The following ATXN7L2 variants were observed in gnomAD, a reference collection of about 807,000 sequenced individuals.
ATXN7L2 encodes ataxin-7-like protein 2.
Under a neutral mutation model 59.6 loss-of-function variants are expected in ATXN7L2, and 17 were observed. The ratio of observed to expected loss-of-function variants is 0.29; its 90% CI spans 0.20 to 0.43. The LOEUF (loss-of-function observed/expected upper bound fraction) is 0.43. ATXN7L2 is among the 20% of genes least tolerant of loss of function. ATXN7L2 has a pLI of 1.00. For missense variants in ATXN7L2, 858 were observed against 1,008.9 expected, an observed-to-expected ratio of 0.85 and a Z score of 2.03; for synonymous variants, 378 against 392.5, an observed-to-expected ratio of 0.96 and a Z score of 0.44.
At chr1:109,484,132 C>A (rs1322425604) in intron 1 of ATXN7L2, 52 bp downstream of exon 1, 1 of 1,368,396 alleles carries the variant, frequency 7.3e-7, no homozygotes, top group Non-Finnish European at 9.5e-7. Context: ...CTCCCCTCCC[C>A]CCTTCCGGGC....
Position 109,489,948 on chromosome 1 carries a change from G to C in ATXN7L2, c.1152G>C (p.Glu384Asp). ...CTTCCAGGTCCCGGGCCTCCTCCGA[G>C]AGTGAATTGGATGATGAAGGCCCCT... ...CALPRSRASSESELDDEGPCG... is the reference protein window; with the variant it reads ...CALPRSRASSDSELDDEGPCG... Residue 384 changes from glutamate to aspartate, a missense_variant, in exon 8 of 11, where the codon GAG becomes GAC. By Grantham distance (45) the Glu-to-Asp change is conservative. Transcript: ENST00000683729. 6.2e-7 allele frequency: 1 copy of C among 1,613,702 alleles called. No homozygotes were observed. The highest frequency in any genetic ancestry group is 2.2e-5 in the East Asian group (1 of 44,856).
Position 109,491,677 on chromosome 1 carries a change from G to A in ATXN7L2, c.2210G>A (p.Gly737Asp), listed in dbSNP as rs571511543. Reference protein sequence around the residue: ...VACSVRRKKPGPALAFEEKCS... With the variant: ...VACSVRRKKPDPALAFEEKCS... Reference sequence around the variant, plus strand: ...TGCTCTGTGCGCCGCAAGAAGCCAGGCCCGGCCCTGGCCTTTGAGGAGAAG... The same window carrying A: ...TGCTCTGTGCGCCGCAAGAAGCCAGACCCGGCCCTGGCCTTTGAGGAGAAG... The change falls in exon 10 of 11, where the codon GGC becomes GAC. Residue 737 changes from glycine (G) to aspartate (D), a missense_variant. Transcript: ENST00000683729. This position sits in a 1 kb window ranked among gnomAD's most constrained non-coding sequence, Gnocchi z 4.1. 3.7e-6 allele frequency: 6 copies of A among 1,609,370 alleles called. No homozygotes were observed. The East Asian group carries it at 1.1e-4, about 30-fold the overall frequency.
chr1:109,489,841 C>G (rs1656892401), intron 7 of ATXN7L2, 89 bp from the exon 8 acceptor site: 2 of 1,435,998 alleles, frequency 1.4e-6, no homozygotes, highest in Non-Finnish European at 1.9e-6. Context: ...CCCTGGTGCC[C>G]TGCTCTTTGA....
rs1657195404 is a variant in ATXN7L2 at position 109,492,689 on chromosome 1, T to C, written c.*89T>C. 7.6e-6 allele frequency: 11 copies of C among 1,455,916 alleles called. No individual in the cohort carries two copies. Among genetic ancestry groups the C allele is most frequent in the Non-Finnish European group, 8.3e-6 (9 of 1,079,604 alleles). The allele number at this position is 1,455,916 out of a possible 1,614,324, so 90.2% of individuals were successfully genotyped here. A position where few individuals can be genotyped will look rare whatever the true frequency, so the allele number is the denominator to read the frequency against. ...CAGGCTGCTGCCGCTTTTTATAACTTTATATTATTTTTTTTTAAGAAAAAA... is the reference window on the plus strand; with the variant it reads ...CAGGCTGCTGCCGCTTTTTATAACTCTATATTATTTTTTTTTAAGAAAAAA... On this transcript the variant is annotated 3_prime_UTR_variant, in exon 11 of 11. Transcript: ENST00000683729.
Position 109,486,979 on chromosome 1 carries a change from G to T in ATXN7L2, c.299-28G>T. On this transcript the variant is annotated intron_variant, in intron 3 of 10. Transcript: ENST00000683729. This position sits in a 1 kb window ranked among gnomAD's most constrained non-coding sequence, Gnocchi z 4.3. ...AGGAAGTGGTGATACCACTCACCTT[G>T]ATTATTCTTTCCACCTCCTGGTGAC... 6.5e-7 allele frequency: 1 copy of T among 1,548,722 alleles called. No individual in the cohort carries two copies.
chr1:109,492,507 T>G, intron 10 of ATXN7L2, 79 bp from the exon 11 acceptor site: 1 of 1,576,114 alleles, frequency 6.3e-7, no homozygotes, highest in Non-Finnish European at 8.7e-7. Context: ...TTAGCCTCTG[T>G]AGTGCACACA....
rs532755750 is a variant in ATXN7L2, at chr1:109,491,862, G to A, written c.2250+145G>A. 27 of 1,235,034 alleles carry A rather than the reference G, an allele frequency of 2.2e-5. No individual in the cohort carries two copies. In the South Asian group the frequency reaches 4.3e-4, roughly 20 times the overall value. 76.5% of individuals were successfully genotyped at this position (1,235,034 alleles called of 1,614,324 possible). ...TCCTGGACTGTTTTCTTTAGGAAGA[G>A]GTAGGTCAGTTCTTAGCAAAGTGAC... On this transcript the variant is annotated intron_variant, in intron 10 of 10. Transcript: ENST00000683729. This position sits in a 1 kb window ranked among gnomAD's most constrained non-coding sequence, Gnocchi z 4.1.
chr1:109,486,699 G>A lies in ATXN7L2; in HGVS notation c.298+89G>A, dbSNP rs936221147. The A allele has an allele frequency of 9.0e-7, 1 of 1,108,376 alleles. No individual in the cohort carries two copies. Among genetic ancestry groups the A allele is most frequent in the African/African-American group, 1.5e-5 (1 of 64,614 alleles). 68.7% of individuals were successfully genotyped at this position (1,108,376 alleles called of 1,614,324 possible). A position where few individuals can be genotyped will look rare whatever the true frequency, so the allele number is the denominator to read the frequency against. On this transcript the variant is annotated intron_variant, in intron 3 of 10. Transcript: ENST00000683729. This position sits in a 1 kb window ranked among gnomAD's most constrained non-coding sequence, Gnocchi z 4.3. Reference sequence around the variant, plus strand: ...CAGGGTCAGTTGGGAGGTCTCGTAGGGTAATGGAGGGTGGTGTTGAGGATA... The same window carrying A: ...CAGGGTCAGTTGGGAGGTCTCGTAGAGTAATGGAGGGTGGTGTTGAGGATA...
intron 10 of ATXN7L2, chr1:109,492,095 G>A (rs1657128062): frequency 4.7e-6 from 5 of 1,068,224 alleles, no homozygotes; most frequent in Non-Finnish European, 5.7e-6. Context: ...CTAACATGCC[G>A]AGCAGCAAGG....
chr1:109,491,469 C>A lies in ATXN7L2; in HGVS notation c.2002C>A (p.Leu668Ile), dbSNP rs761349734. The change falls in exon 10 of 11, where the codon CTC becomes ATC. Residue 668 changes from leucine to isoleucine, a missense_variant. Around this residue, in one of 3 missense-constraint regions of ATXN7L2, gnomAD observed 734 missense variants for 862.3 expected, o/e 0.85. Coordinates refer to ENST00000683729, the MANE Select transcript of ATXN7L2 (RefSeq NM_001350175.2). This position sits in a 1 kb window ranked among gnomAD's most constrained non-coding sequence, Gnocchi z 4.1. ...PLDCRGSPHQ[L>I]PTPVKASQLE... Reference sequence around the variant, plus strand: ...GGACTGTCGTGGCTCCCCTCATCAGCTCCCCACACCAGTCAAGGCTTCTCA... The same window carrying A: ...GGACTGTCGTGGCTCCCCTCATCAGATCCCCACACCAGTCAAGGCTTCTCA... 6.2e-7 allele frequency: 1 copy of A among 1,613,970 alleles called. No individual in the cohort carries two copies. Among genetic ancestry groups the A allele is most frequent in the Non-Finnish European group, 8.5e-7 (1 of 1,180,048 alleles).
intron 1 of ATXN7L2, among the ~76,000 whole-genome samples, chr1:109,484,307 C>G (rs962467585): frequency 6.6e-6 from 1 of 152,124 alleles, no homozygotes; most frequent in Non-Finnish European, 1.5e-5. Context: ...ACCTCTGCCT[C>G]TGCCAGTCGC....
Position 109,491,577 on chromosome 1 carries a change from C to T in ATXN7L2, c.2110C>T (p.Arg704Trp), listed in dbSNP as rs191002910. 7 of 1,613,934 alleles carry T rather than the reference C, an allele frequency of 4.3e-6. No individual in the cohort carries two copies. The highest frequency in any genetic ancestry group is 2.7e-5 in the African/African-American group (2 of 75,072). The change falls in exon 10 of 11, where the codon CGG becomes TGG. Residue 704 changes from arginine to tryptophan, a missense_variant. By Grantham distance (101) the Arg-to-Trp change is moderately radical. Around this residue, in one of 3 missense-constraint regions of ATXN7L2, gnomAD observed 734 missense variants for 862.3 expected, o/e 0.85. Coordinates refer to ENST00000683729, the MANE Select transcript of ATXN7L2 (RefSeq NM_001350175.2). This position sits in a 1 kb window ranked among gnomAD's most constrained non-coding sequence, Gnocchi z 4.1. ...CTCTGAGGAGGAGGTGGCCAAGAAG[C>T]GGAAAAACCTGGCCACTTATTGCCG... is the stretch of plus-strand genomic sequence containing the variant. ...CLSEEEVAKKRKNLATYCRPV... is the reference protein window; with the variant it reads ...CLSEEEVAKKWKNLATYCRPV...
rs766770957 is a variant in ATXN7L2 at position 109,488,405 on chromosome 1, G to A, written c.819G>A (p.Arg273=). The part of the protein sequence containing the change: ...KMARKECDLN[R]QCGVINPETK... ...CAGGGAAGGAGTGCGACCTCAACAG[G>A]CAGTGTGGGGTAATAAATCCAGAGA... The change falls in exon 6 of 11, where the codon AGG becomes AGA. Residue 273 remains arginine (R), a synonymous_variant. Transcript: ENST00000683729. The surrounding 1 kb of genome is among the most constrained non-coding windows in gnomAD (Gnocchi z 5.0). 2 of 1,602,460 alleles carry A rather than the reference G, an allele frequency of 1.2e-6. No homozygotes were observed. The highest frequency in any genetic ancestry group is 1.7e-6 in the Non-Finnish European group (2 of 1,172,576).
At position 109,486,689 on chromosome 1, in the gene ATXN7L2, G is replaced by A. The variant is rs1190207751; in HGVS notation, c.298+79G>A. ...ACTCTGAGGACAGGGTCAGTTGGGA[G>A]GTCTCGTAGGGTAATGGAGGGTGGT... On this transcript the variant is annotated intron_variant, in intron 3 of 10. Coordinates refer to ENST00000683729, the MANE Select transcript of ATXN7L2 (RefSeq NM_001350175.2). This position sits in a 1 kb window ranked among gnomAD's most constrained non-coding sequence, Gnocchi z 4.3. 4.9e-6 allele frequency: 6 copies of A among 1,234,646 alleles called. No individual in the cohort carries two copies. In the Admixed American group the frequency reaches 7.7e-5, roughly 16 times the overall value. The allele number at this position is 1,234,646 out of a possible 1,614,324, so 76.5% of individuals were successfully genotyped here.
At position 109,486,009 on chromosome 1, in the gene ATXN7L2, A is replaced by G; in HGVS notation, c.128-48A>G. 1 of 1,493,790 alleles carries G rather than the reference A, an allele frequency of 6.7e-7. No homozygotes were observed. The highest frequency in any genetic ancestry group is 1.4e-5 in the African/African-American group (1 of 70,414). 92.5% of individuals were successfully genotyped at this position (1,493,790 alleles called of 1,614,324 possible). A position where few individuals can be genotyped will look rare whatever the true frequency, so the allele number is the denominator to read the frequency against. On this transcript the variant is annotated intron_variant, in intron 1 of 10. Transcript: ENST00000683729. The surrounding 1 kb of genome is among the most constrained non-coding windows in gnomAD (Gnocchi z 4.3). Reference sequence around the variant, plus strand: ...AGTCTCTGGTAAGGAGAGGCTGGAGACTCTCTAAAACTGGCCCTGACCCTT... The same window carrying G: ...AGTCTCTGGTAAGGAGAGGCTGGAGGCTCTCTAAAACTGGCCCTGACCCTT...
chr1:109,490,196 A>C (rs1322176767), intron 8 of ATXN7L2, 68 bp downstream of exon 8: 1 of 1,581,440 alleles, frequency 6.3e-7, no homozygotes, highest in Non-Finnish European at 8.6e-7. Flanking sequence ...CATGGGGAGG[A>C]GGCCAGATCC....
chr1:109,489,448 G>T, intron 7 of ATXN7L2: 1 of 357,006 alleles, frequency 2.8e-6, no homozygotes, highest in Non-Finnish European at 5.2e-6. Flanking sequence ...TGGCCCCTTC[G>T]CGTGCAGAGG....
chr1:109,491,044 G>A lies in ATXN7L2; in HGVS notation c.1577G>A (p.Cys526Tyr). The A allele has an allele frequency of 6.2e-7, 1 of 1,613,652 alleles. No individual in the cohort carries two copies. The highest frequency in any genetic ancestry group is 1.1e-5 in the South Asian group (1 of 91,076). Residue 526 changes from cysteine (C) to tyrosine (Y), a missense_variant, in exon 10 of 11, where the codon TGC becomes TAC. Cys to Tyr is a radical substitution (Grantham distance 194). Coordinates refer to ENST00000683729, the MANE Select transcript of ATXN7L2 (RefSeq NM_001350175.2). This position sits in a 1 kb window ranked among gnomAD's most constrained non-coding sequence, Gnocchi z 4.1. ...CCAGGTCCAACCCTGAGACCTGCCT[G>A]CCCAGCCTCCATGCCCCCCACCAAG... ...RLPGPTLRPA[C>Y]PASMPPTKDN...
In ATXN7L2 at chr1:109,491,260, A is replaced by T; in HGVS notation, c.1793A>T (p.Glu598Val). Residue 598 changes from glutamate to valine, a missense_variant, in exon 10 of 11, where the codon GAG becomes GTG. By Grantham distance (121) the Glu-to-Val change is moderately radical (BLOSUM62 -2). Around this residue, in one of 3 missense-constraint regions of ATXN7L2, gnomAD observed 734 missense variants for 862.3 expected, o/e 0.85. Transcript: ENST00000683729. The surrounding 1 kb of genome is among the most constrained non-coding windows in gnomAD (Gnocchi z 4.1). The stretch of plus-strand genomic sequence containing the variant: ...AAAGGCAAGGACGGGGTGGAGGTGG[A>T]GGCCCCTTCTCGAAAGCGGAAGTTA... ...SSKGKDGVEV[E>V]APSRKRKLSP... The T allele has an allele frequency of 6.2e-7, 1 of 1,614,238 alleles. No individual in the cohort carries two copies. The highest frequency in any genetic ancestry group is 1.1e-5 in the South Asian group (1 of 91,092).
Sources: gnomAD v4.1 joint callset for allele counts (sites outside exome capture counted in the v4.1 genomes callset) on GRCh38, gnomAD v4.1.1 for gene constraint, gnomAD v4.1.1 regional missense constraint, Gnocchi (gnomAD v3.1) non-coding constraint, MANE v1.5 for transcripts, NCBI Gene and HGNC (gene_info 2026-07-23, HGNC 2026-07-21) for gene names.